Variants in UTRN observed in about 807,000 individuals in gnomAD.
UTRN encodes dystrophin-related protein 1.
Under a neutral mutation model 463.9 loss-of-function variants are expected in UTRN, and 283 were observed. The observed-to-expected ratio is 0.61, with a 90% CI of 0.55 to 0.67. The LOEUF (loss-of-function observed/expected upper bound fraction) is 0.67, where lower values mean the gene tolerates loss of function less well. Among genes scored for constraint, UTRN ranks in the 30% least tolerant of loss-of-function variants. The pLI is 0.00. For missense variants in UTRN, 3,922 were observed against 4,084.3 expected (o/e 0.96, Z 1.08); for synonymous variants, 1,442 against 1,431.5 (o/e 1.01, Z -0.17).
intron 52 of UTRN, among the ~76,000 whole-genome samples, chr6:144,691,270 C>T (rs904860145): frequency 6.6e-6 from 1 of 152,136 alleles, no homozygotes; most frequent in Non-Finnish European, 1.5e-5. Context: ...GCACGTGCCA[C>T]CATGCCCAGC....
intron 51 of UTRN, among the ~76,000 whole-genome samples, chr6:144,578,817 T>G (rs953493251): frequency 6.6e-6 from 1 of 152,238 alleles, no homozygotes; most frequent in Admixed American, 6.5e-5. Flanking sequence ...AAACCTTTTT[T>G]AAATCCGTTC....
At chr6:144,570,001 T>C (rs1800792071) in intron 50 of UTRN, among the ~76,000 whole-genome samples, 1 of 152,192 alleles carries the variant, frequency 6.6e-6, no homozygotes, top group Non-Finnish European at 1.5e-5. Context: ...TTGATTTTAG[T>C]CTAGTGGAGA....
chr6:144,567,964 T>G (rs1800567433), intron 50 of UTRN, among the ~76,000 whole-genome samples: 1 of 152,178 alleles, frequency 6.6e-6, no homozygotes, highest in Admixed American at 6.5e-5. Context: ...TTTAACATCT[T>G]TAAAATAACA....
rs117006950 is a variant in UTRN, at chr6:144,695,278, G to A, written c.7653-4809G>A. 4.6e-3 allele frequency among the ~76,000 whole-genome samples: 699 copies of A among 152,002 alleles called. 2 individuals are homozygous for A. Among genetic ancestry groups the A allele is most frequent in the Middle Eastern group, 0.024 (7 of 294 alleles). On this transcript the variant is annotated intron_variant, in intron 52 of 74. Coordinates refer to ENST00000367545, the MANE Select transcript of UTRN (RefSeq NM_007124.3). ...GGCCATTGGAACAATGTAATAATAT[G>A]TGGCTCAATACCATAGGTTAATATC...
At chr6:144,727,852 G>A (rs1201708328) in intron 53 of UTRN, among the ~76,000 whole-genome samples, 2 of 152,134 alleles carry the variant, frequency 1.3e-5, no homozygotes, top group African/African-American at 4.8e-5. Flanking sequence ...GCACTTGGGA[G>A]GCCAAGGCAG....
intron 51 of UTRN, among the ~76,000 whole-genome samples, chr6:144,656,654 CACATTT>C (rs1779342058): frequency 6.6e-6 from 1 of 152,134 alleles, no homozygotes; most frequent in African/African-American, 2.4e-5. Context: ...AAAAGCAACT[CACATTT>C]ACAAGTCTTT....
At chr6:144,689,153 T>A (rs1309474710) in intron 52 of UTRN, among the ~76,000 whole-genome samples, 2 of 152,184 alleles carry the variant, frequency 1.3e-5, no homozygotes, top group East Asian at 1.9e-4. Flanking sequence ...CTACCCCTCA[T>A]GTAAGCCTGA....
At position 144,349,945 on chromosome 6, in the gene UTRN, C is replaced by T. The variant is rs115223742; in HGVS notation, c.80-53178C>T. ...TTTGAACAGTTCAATGAACTGGCAA[C>T]TGAAGTCGTTTTTTCCCACTGAACT... On this transcript the variant is annotated intron_variant, in intron 2 of 74. Transcript: ENST00000367545. Among the ~76,000 whole-genome samples, 587 of 152,278 alleles carry T rather than the reference C, an allele frequency of 3.9e-3. 1 individual carries two copies. Among genetic ancestry groups the T allele is most frequent in the African/African-American group, 0.013 (541 of 41,536 alleles).
intron 14 of UTRN, among the ~76,000 whole-genome samples, chr6:144,444,846 CTTTGA>C (rs2114911941): frequency 6.6e-6 from 1 of 152,194 alleles, no homozygotes; most frequent in South Asian, 2.1e-4. Context: ...TTAGTCACAC[CTTTGA>C]TTTAACACTG....
At chr6:144,678,987 A>C (rs1234375658) in intron 52 of UTRN, among the ~76,000 whole-genome samples, 2 of 152,164 alleles carry the variant, frequency 1.3e-5, no homozygotes, top group South Asian at 4.1e-4. Context: ...TTTAATGAAT[A>C]TAAGGAACTT....
At chr6:144,707,306 C>T (rs1483457729) in intron 53 of UTRN, among the ~76,000 whole-genome samples, 1 of 151,922 alleles carries the variant, frequency 6.6e-6, no homozygotes, top group Non-Finnish European at 1.5e-5. Context: ...TAGCCTTTAA[C>T]ATTATTAGAG....
chr6:144,629,274 T>C (rs1776267549), intron 51 of UTRN, among the ~76,000 whole-genome samples: 1 of 152,122 alleles, frequency 6.6e-6, no homozygotes, highest in Admixed American at 6.5e-5. Flanking sequence ...AAATCTAGTG[T>C]ACTGCGTCCT....
chr6:144,784,749 T>G (rs1312098739), intron 61 of UTRN, among the ~76,000 whole-genome samples: 3 of 152,244 alleles, frequency 2.0e-5, no homozygotes, highest in African/African-American at 7.2e-5. Context: ...CAGTTCCACT[T>G]GCCTCCATCA....
chr6:144,722,225 T>C (rs1447936716), intron 53 of UTRN, among the ~76,000 whole-genome samples: 1 of 152,226 alleles, frequency 6.6e-6, no homozygotes, highest in African/African-American at 2.4e-5. Context: ...AAGCTAGGCA[T>C]GCACTTGCCT....
intron 7 of UTRN, among the ~76,000 whole-genome samples, chr6:144,428,008 G>T (rs560159742): frequency 1.3e-5 from 2 of 152,260 alleles, no homozygotes; most frequent in East Asian, 1.9e-4. Flanking sequence ...TGACCTGAGT[G>T]GGGGGAGTAA....
intron 29 of UTRN, 106 bp downstream of exon 29, chr6:144,487,803 G>T: frequency 8.6e-7 from 1 of 1,156,652 alleles, no homozygotes; most frequent in Non-Finnish European, 1.2e-6. Flanking sequence ...TTTAATGTTG[G>T]TTAAAGTTGG....
chr6:144,843,781 T>C (rs12664572), intron 73 of UTRN, among the ~76,000 whole-genome samples: 27,803 of 152,188 alleles, frequency 0.18, 3,033 homozygotes, highest in Admixed American at 0.38. Flanking sequence ...CCTACTGAAA[T>C]GCAATGATTT....
intron 58 of UTRN, among the ~76,000 whole-genome samples, chr6:144,763,005 C>T (rs1464807995): frequency 1.3e-5 from 2 of 152,158 alleles, no homozygotes; most frequent in African/African-American, 4.8e-5. Flanking sequence ...CAAGGTGTCA[C>T]CATCACAATT....
At chr6:144,376,565 G>A (rs961504332) in intron 2 of UTRN, among the ~76,000 whole-genome samples, 1 of 151,990 alleles carries the variant, frequency 6.6e-6, no homozygotes, top group African/African-American at 2.4e-5. Context: ...CAAAGTGCTG[G>A]GATTATAGGT....
Sources: allele counts gnomAD v4.1 joint callset (sites outside exome capture counted in the v4.1 genomes callset), GRCh38; gene constraint gnomAD v4.1.1; transcripts MANE v1.5; gene names NCBI Gene and HGNC (gene_info 2026-07-23, HGNC 2026-07-21).